FAM20B: variants seen among roughly 807,000 people sequenced by gnomAD.
The protein encoded by FAM20B is FAM20B glycosaminoglycan xylosylkinase, also known as glycosaminoglycan xylosylkinase.
In FAM20B, 23 loss-of-function variants were observed where a neutral mutation model predicts 43.8. The observed-to-expected ratio is 0.53, with a 90% CI of 0.38 to 0.74. The LOEUF is 0.74. Ranked by LOEUF, FAM20B falls within the 30% of genes least tolerant of loss-of-function variation. The probability of loss-of-function intolerance (pLI) is 0.00; values close to 1 mark genes in which losing one functional copy is unlikely to be tolerated. For synonymous variants in FAM20B, 178 were observed against 192.4 expected (o/e 0.93, Z 0.62); for missense variants, 440 against 510.5 (o/e 0.86, Z 1.33).
chr1:179,057,580 G>C (rs892937685), intron 4 of FAM20B, among the ~76,000 whole-genome samples: 2 of 152,224 alleles, frequency 1.3e-5, no homozygotes, highest in Non-Finnish European at 2.9e-5. Context: ...TGGAGGCTTA[G>C]AAGTGTCTAA....
At position 179,076,451 on chromosome 1, in the gene FAM20B, CAG is replaced by C. The variant is rs1391504441; in HGVS notation, c.*4311_*4312del. The C allele has an allele frequency of 2.0e-5, 3 of 152,528 alleles. No individual in the cohort carries two copies. Among genetic ancestry groups the C allele is most frequent in the Non-Finnish European group, 4.4e-5 (3 of 68,028 alleles). 9.4% of individuals were successfully genotyped at this position (152,528 alleles called of 1,614,324 possible). ...TTTCCTCTCAGAGCTGTTGCACAGACAGAGATTGTACTTGGTAAGATACCAAA... is the reference window on the plus strand; with the variant it reads ...TTTCCTCTCAGAGCTGTTGCACAGACAGATTGTACTTGGTAAGATACCAAA... On this transcript the variant is annotated 3_prime_UTR_variant, in exon 8 of 8. Coordinates refer to ENST00000263733, the MANE Select transcript of FAM20B (RefSeq NM_014864.4).
At chr1:179,053,569 C>T (rs1651098058) in intron 3 of FAM20B, among the ~76,000 whole-genome samples, 1 of 152,184 alleles carries the variant, frequency 6.6e-6, no homozygotes, top group Non-Finnish European at 1.5e-5. Context: ...GATTTAACCA[C>T]CTTCCCTTGC....
rs1443971004 is a variant in FAM20B at position 179,051,654 on chromosome 1, A to T, written c.464+1289A>T. Among the ~76,000 whole-genome samples, 10 of 151,482 alleles carry T rather than the reference A, an allele frequency of 6.6e-5. No individual in the cohort carries two copies. In the South Asian group the frequency reaches 1.7e-3, roughly 25 times the overall value. On this transcript the variant is annotated intron_variant, in intron 3 of 7. Coordinates refer to ENST00000263733, the MANE Select transcript of FAM20B (RefSeq NM_014864.4). ...TAAAATAAAATAAAATAATAAATAA[A>T]TTTTTTTTCTGAGACAGAGTCTCAC...
chr1:179,037,762 C>T (rs565369616), intron 1 of FAM20B, among the ~76,000 whole-genome samples: 2 of 152,176 alleles, frequency 1.3e-5, no homozygotes, highest in South Asian at 2.1e-4. Flanking sequence ...GTTGGGATTA[C>T]AGGCGTGAGG....
At chr1:179,044,351 T>TTAGA in intron 2 of FAM20B, 127 bp downstream of exon 2, 1 of 1,003,300 alleles carries the variant, frequency 1.0e-6, no homozygotes, top group Non-Finnish European at 1.4e-6. Context: ...GTAGACTAGA[T>TTAGA]CTCTAAAGTC....
chr1:179,026,722 G>T (rs1649804292), intron 1 of FAM20B, among the ~76,000 whole-genome samples: 1 of 152,246 alleles, frequency 6.6e-6, no homozygotes, highest in South Asian at 2.1e-4. Flanking sequence ...CCCTCAGTGG[G>T]CTGCGCTTGA....
chr1:179,061,124 G>A (rs1159034343), intron 4 of FAM20B, among the ~76,000 whole-genome samples: 1 of 147,676 alleles, frequency 6.8e-6, no homozygotes, highest in Non-Finnish European at 1.5e-5. Flanking sequence ...TGTCACCCAG[G>A]CTGGAGTGCA....
At chr1:179,049,661 C>T (rs985277409) in intron 2 of FAM20B, among the ~76,000 whole-genome samples, 10 of 152,176 alleles carry the variant, frequency 6.6e-5, no homozygotes, top group African/African-American at 2.2e-4. Context: ...CTGACTCAGC[C>T]TCCTGAGCAG....
intron 1 of FAM20B, among the ~76,000 whole-genome samples, chr1:179,037,726 A>G (rs958638717): frequency 2.2e-4 from 34 of 152,026 alleles, no homozygotes; most frequent in African/African-American, 8.0e-4. Context: ...ACCTCAGGTG[A>G]TCTGCCTGCC....
At chr1:179,018,587 G>A in the FAM20B span, among the ~76,000 whole-genome samples, 5 of 152,156 alleles carry the variant, frequency 3.3e-5, no homozygotes, top group East Asian at 1.9e-4. Context: ...GATTGCAGGC[G>A]TCAGCCACCA....
At chr1:179,040,058 C>T (rs1254120258) in intron 1 of FAM20B, among the ~76,000 whole-genome samples, 1 of 152,232 alleles carries the variant, frequency 6.6e-6, no homozygotes, top group Non-Finnish European at 1.5e-5. Context: ...GGCAAGGTCA[C>T]AGATCAACAG....
rs1651708304 is a variant in FAM20B, at chr1:179,066,790, T to C, written c.939-10T>C. 1 of 1,602,814 alleles carries C rather than the reference T, an allele frequency of 6.2e-7. No individual in the cohort carries two copies. The highest frequency in any genetic ancestry group is 8.5e-7 in the Non-Finnish European group (1 of 1,169,680). On this transcript the variant is annotated splice_polypyrimidine_tract_variant and intron_variant, in intron 6 of 7. Transcript: ENST00000263733. Reference sequence around the variant, plus strand: ...CCACCTAATTCACTAAGTTTTAATTTAATTTTCAGCTTTGGGAACCCCTCG... The same window carrying C: ...CCACCTAATTCACTAAGTTTTAATTCAATTTTCAGCTTTGGGAACCCCTCG...
the FAM20B span, among the ~76,000 whole-genome samples, chr1:179,019,440 C>G: frequency 6.9e-6 from 1 of 144,714 alleles, no homozygotes; most frequent in Non-Finnish European, 1.5e-5. Context: ...TTCTTTCTTT[C>G]TGGTTTTTTT....
chr1:179,072,005 C>G lies in FAM20B; in HGVS notation c.1091C>G (p.Ser364Cys), dbSNP rs144871480. 80 of 1,613,984 alleles carry G rather than the reference C, an allele frequency of 5.0e-5. No individual in the cohort carries two copies. Among genetic ancestry groups the G allele is most frequent in the Non-Finnish European group, 6.5e-5 (77 of 1,180,004 alleles). Residue 364 changes from serine to cysteine, a missense_variant, in exon 8 of 8, where the codon TCC becomes TGC. Coordinates refer to ENST00000263733, the MANE Select transcript of FAM20B (RefSeq NM_014864.4). ...LKSAMAHDPISPVLSDPHLDA... is the reference protein window; with the variant it reads ...LKSAMAHDPICPVLSDPHLDA... ...TCTGCCATGGCCCATGACCCCATCT[C>G]CCCAGTGCTCTCTGATCCTCATCTG... is the stretch of plus-strand genomic sequence containing the variant.
At chr1:179,056,538 C>G (rs72709420) in intron 4 of FAM20B, among the ~76,000 whole-genome samples, 3,289 of 152,288 alleles carry the variant, frequency 0.022, 65 homozygotes, top group Middle Eastern at 0.048. Context: ...ATCCATTTAC[C>G]TATTGAATGG....
intron 6 of FAM20B, among the ~76,000 whole-genome samples, chr1:179,065,466 G>A (rs890485628): frequency 1.3e-5 from 2 of 152,146 alleles, no homozygotes; most frequent in Non-Finnish European, 2.9e-5. Context: ...TAAATAGAAC[G>A]CTTCCTTGGA....
intron 1 of FAM20B, among the ~76,000 whole-genome samples, chr1:179,042,644 C>T (rs1335793625): frequency 6.6e-6 from 1 of 152,152 alleles, no homozygotes; most frequent in Non-Finnish European, 1.5e-5. Flanking sequence ...GAGTTCTTGT[C>T]CCATGCCCCA....
At chr1:179,018,071 G>A in the FAM20B span, among the ~76,000 whole-genome samples, 2 of 152,204 alleles carry the variant, frequency 1.3e-5, no homozygotes, top group South Asian at 2.1e-4. Flanking sequence ...AATCATCAAA[G>A]AGGATAATTC....
chr1:179,023,433 G>A (rs1216332809), upstream of FAM20B, among the ~76,000 whole-genome samples: 3 of 152,226 alleles, frequency 2.0e-5, no homozygotes, highest in Non-Finnish European at 2.9e-5. Flanking sequence ...ACCATACATC[G>A]TATGAGTGGT....
Sources: gnomAD v4.1 joint callset for allele counts (sites outside exome capture counted in the v4.1 genomes callset) on GRCh38, gnomAD v4.1.1 for gene constraint, MANE v1.5 for transcripts, NCBI Gene and HGNC (gene_info 2026-07-23, HGNC 2026-07-21) for gene names.